Variants in CACNG3 observed in about 807,000 individuals in gnomAD.
CACNG3 encodes voltage-dependent calcium channel gamma-3 subunit.
A neutral mutation model predicts 28.5 loss-of-function variants in CACNG3; 3 were observed. The ratio of observed to expected loss-of-function variants is 0.11; its 90% CI spans 0.05 to 0.27. The LOEUF (loss-of-function observed/expected upper bound fraction) is 0.27. CACNG3 is among the 10% of genes least tolerant of loss of function. CACNG3 has a pLI of 1.00. For synonymous variants in CACNG3, 174 were observed against 162.2 expected (o/e 1.07, Z -0.55); for missense variants, 236 against 414.4 (o/e 0.57, Z 3.74).
intron 1 of CACNG3, among the ~76,000 whole-genome samples, chr16:24,313,073 GAGGAAGGA>G (rs71154300): frequency 6.3e-4 from 87 of 137,924 alleles, no homozygotes; most frequent in Non-Finnish European, 9.6e-4. Flanking sequence ...GCGAGGGAGG[GAGGAAGGA>G]AGGAAGGAAG....
intron 1 of CACNG3, among the ~76,000 whole-genome samples, chr16:24,289,889 T>A (rs1210581809): frequency 6.6e-6 from 1 of 152,238 alleles, no homozygotes; most frequent in Admixed American, 6.5e-5. Flanking sequence ...GCTAAGAATA[T>A]GAAAAACTTT....
At chr16:24,259,183 T>G (rs1036291525) in intron 1 of CACNG3, among the ~76,000 whole-genome samples, 1 of 152,232 alleles carries the variant, frequency 6.6e-6, no homozygotes, top group Non-Finnish European at 1.5e-5. Context: ...GTTGTTCACT[T>G]TTTTGAAGTA....
intron 1 of CACNG3, among the ~76,000 whole-genome samples, chr16:24,322,244 C>T (rs1256460425): frequency 6.6e-6 from 1 of 152,264 alleles, no homozygotes; most frequent in South Asian, 2.1e-4. Context: ...ATCACTCCTT[C>T]GTTAGGTGAG....
In CACNG3 at chr16:24,361,449, C is replaced by A. The variant is rs767894450; in HGVS notation, c.534C>A (p.Ser178=). 1 of 1,614,144 alleles carries A rather than the reference C, an allele frequency of 6.2e-7. No individual in the cohort carries two copies. The highest frequency in any genetic ancestry group is 8.5e-7 in the Non-Finnish European group (1 of 1,180,026). ...AAAAAAGTTACTCCTATGGTTGGTC[C>A]TTTTATTTCGGAGCCTTCTCTTTCA... The part of the protein sequence containing the change: ...DSKKSYSYGW[S]FYFGAFSFII... Residue 178 remains serine (S), a synonymous_variant, in exon 4 of 4, where the codon TCC becomes TCA. Transcript: ENST00000005284. This position sits in a 1 kb window ranked among gnomAD's most constrained non-coding sequence, Gnocchi z 6.8.
intron 1 of CACNG3, among the ~76,000 whole-genome samples, chr16:24,261,290 G>A (rs929978828): frequency 2.0e-5 from 3 of 152,142 alleles, no homozygotes; most frequent in Non-Finnish European, 2.9e-5. Flanking sequence ...TCTCAGTGTG[G>A]GGCAATAGGG....
chr16:24,360,784 C>G (rs1424857712), intron 3 of CACNG3, among the ~76,000 whole-genome samples: 1 of 152,176 alleles, frequency 6.6e-6, no homozygotes, highest in Non-Finnish European at 1.5e-5. Flanking sequence ...CACATGCCAT[C>G]GTCAACAGTC....
intron 1 of CACNG3, among the ~76,000 whole-genome samples, chr16:24,282,256 C>G (rs1360644693): frequency 1.3e-5 from 2 of 152,134 alleles, no homozygotes; most frequent in Non-Finnish European, 2.9e-5. Context: ...GACTAGAATC[C>G]TATGGCCGCC....
intron 1 of CACNG3, among the ~76,000 whole-genome samples, chr16:24,274,731 G>A (rs542988323): frequency 1.6e-4 from 25 of 152,210 alleles, no homozygotes; most frequent in South Asian, 1.2e-3. Context: ...GAGCTACATC[G>A]GGGAGCCATT....
chr16:24,346,390 T>C (rs1899867445), intron 1 of CACNG3, among the ~76,000 whole-genome samples: 1 of 152,092 alleles, frequency 6.6e-6, no homozygotes. Flanking sequence ...CTGGGCAAGA[T>C]AGTGAGACCT....
intron 1 of CACNG3, among the ~76,000 whole-genome samples, chr16:24,289,641 G>A (rs1025528369): frequency 7.9e-5 from 12 of 152,210 alleles, no homozygotes; most frequent in African/African-American, 2.9e-4. Flanking sequence ...GGTTCACTCT[G>A]AGAGATGCTC....
chr16:24,327,041 A>G (rs1475033350), intron 1 of CACNG3, among the ~76,000 whole-genome samples: 1 of 141,572 alleles, frequency 7.1e-6, no homozygotes, highest in Non-Finnish European at 1.5e-5. Context: ...GGTGGCGGTA[A>G]ATGTGATGGT....
At chr16:24,271,400 A>T (rs1374719169) in intron 1 of CACNG3, among the ~76,000 whole-genome samples, 1 of 152,016 alleles carries the variant, frequency 6.6e-6, no homozygotes, top group African/African-American at 2.4e-5. Flanking sequence ...TTTTTAAATG[A>T]CGTTGATGTA....
At chr16:24,291,672 C>T (rs1898969922) in intron 1 of CACNG3, among the ~76,000 whole-genome samples, 1 of 152,172 alleles carries the variant, frequency 6.6e-6, no homozygotes, top group East Asian at 1.9e-4. Flanking sequence ...GGTTCAAGAC[C>T]TCCTTCCCCC....
rs35498529 is a variant in CACNG3 at position 24,323,239 on chromosome 16, A to AAG, written c.212-23483_212-23482dup. ...GGACTCAAAAAAAAAAAAAAAAAAA[A>AAG]AGAGAGAGAGAGAAAGAGAGAGATG... On this transcript the variant is annotated intron_variant, in intron 1 of 3. Transcript: ENST00000005284. Among the ~76,000 whole-genome samples, 326 of 142,996 alleles carry AAG rather than the reference A, an allele frequency of 2.3e-3. 2 individuals carry two copies. Among genetic ancestry groups the AAG allele is most frequent in the African/African-American group, 7.9e-3 (309 of 39,054 alleles). 93.8% of individuals were successfully genotyped at this position (142,996 alleles called of 152,430 possible).
intron 1 of CACNG3, among the ~76,000 whole-genome samples, chr16:24,293,424 C>T (rs967078460): frequency 1.3e-5 from 2 of 152,112 alleles, no homozygotes; most frequent in African/African-American, 4.8e-5. Context: ...GCCACACTGC[C>T]TACATTTGAA....
In CACNG3 at chr16:24,273,054, T is replaced by C. The variant is rs540119965; in HGVS notation, c.211+16089T>C. Among the ~76,000 whole-genome samples the C allele has an allele frequency of 2.0e-5, 3 of 152,272 alleles. No homozygotes were observed. The South Asian group carries it at 6.2e-4, about 32-fold the overall frequency. ...TTGTTCCCCTCTATGTGTCCATGTGTTCTCATCATTTAGCTCCCACTTATC... is the reference window on the plus strand; with the variant it reads ...TTGTTCCCCTCTATGTGTCCATGTGCTCTCATCATTTAGCTCCCACTTATC... On this transcript the variant is annotated intron_variant, in intron 1 of 3. Coordinates refer to ENST00000005284, the MANE Select transcript of CACNG3 (RefSeq NM_006539.4).
At chr16:24,311,892 G>C (rs1899269663) in intron 1 of CACNG3, among the ~76,000 whole-genome samples, 1 of 152,194 alleles carries the variant, frequency 6.6e-6, no homozygotes, top group African/African-American at 2.4e-5. Flanking sequence ...GGTAAGTAAA[G>C]GCACAAAGGA....
intron 2 of CACNG3, among the ~76,000 whole-genome samples, chr16:24,352,523 TG>T (rs1899964301): frequency 2.3e-5 from 2 of 87,440 alleles, no homozygotes; most frequent in Admixed American, 1.4e-4. Context: ...GGGTTTTTTT[TG>T]TTGTTGTTGT....
chr16:24,328,997 C>T lies in CACNG3; in HGVS notation c.212-17737C>T, dbSNP rs566139665. 4.6e-5 allele frequency among the ~76,000 whole-genome samples: 7 copies of T among 152,248 alleles called. No individual in the cohort carries two copies. In the South Asian group the frequency reaches 1.5e-3, roughly 32 times the overall value. ...CATCATATGGCAACTAGCAAAGATC[C>T]TAAGGGCTGAGTGGGCAGGGAGAAT... is the stretch of plus-strand genomic sequence containing the variant. On this transcript the variant is annotated intron_variant, in intron 1 of 3. Transcript: ENST00000005284.
Sources: allele counts gnomAD v4.1 joint callset (sites outside exome capture counted in the v4.1 genomes callset), GRCh38; gene constraint gnomAD v4.1.1; non-coding constraint Gnocchi (gnomAD v3.1); transcripts MANE v1.5; gene names NCBI Gene and HGNC (gene_info 2026-07-23, HGNC 2026-07-21).